The following MS4A15 variants were observed in gnomAD, a reference collection of about 807,000 sequenced individuals.
The protein encoded by MS4A15 is membrane spanning 4-domains A15, also known as membrane-spanning 4-domains subfamily A member 15.
In MS4A15, 22 loss-of-function variants were observed where a neutral mutation model predicts 20.6. The observed-to-expected ratio is 1.07, with a 90% CI of 0.76 to 1.52. The LOEUF is 1.52. Among genes scored for constraint, MS4A15 ranks in the 40% most tolerant of loss-of-function variants. The pLI is 0.00. For synonymous variants in MS4A15, 129 were observed against 129.3 expected (o/e 1.00, Z 0.02); for missense variants, 312 against 323.0 (o/e 0.97, Z 0.26).
In MS4A15 at chr11:60,767,535, G is replaced by C. The variant is rs977927253; in HGVS notation, c.228G>C (p.Thr76=). 8.5e-6 allele frequency: 13 copies of C among 1,522,654 alleles called. No individual in the cohort carries two copies. The African/African-American group carries it at 9.7e-5, about 11-fold the overall frequency. 94.3% of individuals were successfully genotyped at this position (1,522,654 alleles called of 1,614,324 possible). Residue 76 remains threonine (T), a splice_region_variant and synonymous_variant, in exon 3 of 7, where the codon ACG becomes ACC. Coordinates refer to ENST00000405633, the MANE Select transcript of MS4A15 (RefSeq NM_001098835.2). ...CTGAGCCTCGGGGCTTCCCGCAGACGGTGCAGATCCTCATCGGCCTCATCC... is the reference window on the plus strand; with the variant it reads ...CTGAGCCTCGGGGCTTCCCGCAGACCGTGCAGATCCTCATCGGCCTCATCC... The part of the protein sequence containing the change: ...FLTGEPKVLG[T]VQILIGLIHL...
At chr11:60,763,175 G>A (rs537850615) in intron 1 of MS4A15, among the ~76,000 whole-genome samples, 5 of 152,214 alleles carry the variant, frequency 3.3e-5, no homozygotes, top group East Asian at 1.9e-4. Context: ...ACATTTCTTG[G>A]CTACATCAAT....
At position 60,771,577 on chromosome 11, in the gene MS4A15, G is replaced by A. The variant is rs1487179435; in HGVS notation, c.405+230G>A. The A allele has an allele frequency of 3.9e-6, 6 of 1,523,116 alleles. 1 individual carries two copies. Among genetic ancestry groups the A allele is most frequent in the Non-Finnish European group, 5.3e-6 (6 of 1,138,932 alleles). The allele number at this position is 1,523,116 out of a possible 1,614,324, so 94.4% of individuals were successfully genotyped here. A position where few individuals can be genotyped will look rare whatever the true frequency, so the allele number is the denominator to read the frequency against. On this transcript the variant is annotated intron_variant, in intron 4 of 6. Coordinates refer to ENST00000405633, the MANE Select transcript of MS4A15 (RefSeq NM_001098835.2). ...TACACAAGCCAGGGTGGAAAGTGAG[G>A]TCCATGCTCATGGTCATTCCGAGAA...
At chr11:60,760,138 C>CT (rs1162395346) in intron 1 of MS4A15, among the ~76,000 whole-genome samples, 1 of 152,236 alleles carries the variant, frequency 6.6e-6, no homozygotes, top group African/African-American at 2.4e-5. Flanking sequence ...CACATATTCA[C>CT]TCTCATTCTG....
intron 1 of MS4A15, among the ~76,000 whole-genome samples, chr11:60,763,074 C>A (rs989692772): frequency 6.6e-6 from 1 of 152,182 alleles, no homozygotes. Context: ...CCGCCACCCC[C>A]GCTCGAGGCC....
At chr11:60,772,315 G>A (rs975973754) in intron 4 of MS4A15, among the ~76,000 whole-genome samples, 2 of 152,186 alleles carry the variant, frequency 1.3e-5, no homozygotes, top group East Asian at 1.9e-4. Context: ...AGACCACAGA[G>A]GCTTCAGCAG....
In MS4A15 at chr11:60,776,092, C is replaced by T. The variant is rs530322749; in HGVS notation, c.*377C>T. On this transcript the variant is annotated 3_prime_UTR_variant, in exon 7 of 7. Transcript: ENST00000405633. The stretch of plus-strand genomic sequence containing the variant: ...CGGGCCTCGGGAAGGTCAGAGAGCC[C>T]GGAATCCTCCAGAATGGAAGAGTCT... The T allele has an allele frequency of 4.8e-5, 8 of 166,888 alleles. No homozygotes were observed. Among genetic ancestry groups the T allele is most frequent in the South Asian group, 3.6e-4 (2 of 5,524 alleles). 10.3% of individuals were successfully genotyped at this position (166,888 alleles called of 1,614,324 possible). A position where few individuals can be genotyped will look rare whatever the true frequency, so the allele number is the denominator to read the frequency against.
chr11:60,773,464 G>A lies in MS4A15; in HGVS notation c.478G>A (p.Asp160Asn). 1 of 1,613,992 alleles carries A rather than the reference G, an allele frequency of 6.2e-7. No homozygotes were observed. The highest frequency in any genetic ancestry group is 8.5e-7 in the Non-Finnish European group (1 of 1,179,990). ...AFAGTAILLM[D>N]FGVTNRDVDR... ...TGCTGGGACAGCCATTCTGCTCATG[G>A]ATTTTGGTGTTACCAACCGGGTGCG... The change falls in exon 5 of 7, where the codon GAT becomes AAT. Residue 160 changes from aspartate (D) to asparagine (N), a missense_variant. Transcript: ENST00000405633.
chr11:60,760,790 G>A (rs1396578500), intron 1 of MS4A15, among the ~76,000 whole-genome samples: 2 of 152,162 alleles, frequency 1.3e-5, no homozygotes, highest in Admixed American at 1.3e-4. Flanking sequence ...CTCTTCTCGA[G>A]AACAGGACCT....
Position 60,757,057 on chromosome 11 carries a change from C to A in MS4A15, c.-30C>A, listed in dbSNP as rs1031998739. 1 of 152,166 alleles carries A rather than the reference C, an allele frequency of 6.6e-6. No individual in the cohort carries two copies. The highest frequency in any genetic ancestry group is 2.4e-5 in the African/African-American group (1 of 41,442). The allele number at this position is 152,166 out of a possible 1,614,324, so 9.4% of individuals were successfully genotyped here. A position where few individuals can be genotyped will look rare whatever the true frequency, so the allele number is the denominator to read the frequency against. The stretch of plus-strand genomic sequence containing the variant: ...AAACTCATCAATTTTCGGGGAATCC[C>A]GGTAAGGGACAGTCCTGACTCCCGT... On this transcript the variant is annotated splice_region_variant and 5_prime_UTR_variant, in exon 1 of 7. Coordinates refer to ENST00000405633, the MANE Select transcript of MS4A15 (RefSeq NM_001098835.2).
chr11:60,774,903 C>T (rs1168709474), intron 6 of MS4A15, among the ~76,000 whole-genome samples: 1 of 152,050 alleles, frequency 6.6e-6, no homozygotes, highest in African/African-American at 2.4e-5. Context: ...TTGTCCAGTG[C>T]CGGAAGGTGG....
intron 2 of MS4A15, among the ~76,000 whole-genome samples, chr11:60,765,237 T>C (rs1853855728): frequency 6.6e-6 from 1 of 152,176 alleles, no homozygotes; most frequent in Admixed American, 6.5e-5. Flanking sequence ...CTAGGTTAGG[T>C]TTCAGTGTGT....
chr11:60,773,573 C>T (rs1854100292), intron 5 of MS4A15, 89 bp downstream of exon 5: 2 of 1,244,688 alleles, frequency 1.6e-6, no homozygotes, highest in Admixed American at 1.8e-5. Context: ...GTTTGCAGCG[C>T]CAGGACGTTG....
At chr11:60,773,276 T>C in intron 4 of MS4A15, 116 bp from the exon 5 acceptor site, 1 of 731,722 alleles carries the variant, frequency 1.4e-6, no homozygotes. Flanking sequence ...GTGTGGCCAC[T>C]GCCTCCTTGG....
At chr11:60,770,053 G>A (rs61494174) in intron 3 of MS4A15, among the ~76,000 whole-genome samples, 24,803 of 152,196 alleles carry the variant, frequency 0.16, 2,290 homozygotes, top group Non-Finnish European at 0.21. Flanking sequence ...CTCTCAGCTC[G>A]GCAGACGCAG....
chr11:60,766,857 G>C (rs1853897108), intron 2 of MS4A15, among the ~76,000 whole-genome samples: 1 of 152,232 alleles, frequency 6.6e-6, no homozygotes, highest in African/African-American at 2.4e-5. Flanking sequence ...AGCCGGAAGT[G>C]GCTCCTGGGC....
At chr11:60,774,283 T>A (rs1854128066) in intron 6 of MS4A15, among the ~76,000 whole-genome samples, 1 of 152,190 alleles carries the variant, frequency 6.6e-6, no homozygotes, top group Non-Finnish European at 1.5e-5. Flanking sequence ...CCATGTGTGA[T>A]GGTACGTGCC....
intron 1 of MS4A15, among the ~76,000 whole-genome samples, chr11:60,759,520 G>A (rs796482686): frequency 2.0e-5 from 3 of 152,138 alleles, no homozygotes; most frequent in East Asian, 3.9e-4. Context: ...CCCCTAGCCC[G>A]ACACCCGTAA....
At chr11:60,773,974 C>T (rs535424358) in intron 6 of MS4A15, 24 bp downstream of exon 6, 1 of 1,580,686 alleles carries the variant, frequency 6.3e-7, no homozygotes, top group East Asian at 2.2e-5. Flanking sequence ...CCCCCACCCC[C>T]ACGTCCACTA....
At chr11:60,768,032 A>C (rs1853927081) in intron 3 of MS4A15, among the ~76,000 whole-genome samples, 1 of 151,308 alleles carries the variant, frequency 6.6e-6, no homozygotes, top group Non-Finnish European at 1.5e-5. Context: ...GTCTCTACTA[A>C]AAATACAAAA....
Sources: gnomAD v4.1 joint callset for allele counts (sites outside exome capture counted in the v4.1 genomes callset) on GRCh38, gnomAD v4.1.1 for gene constraint, MANE v1.5 for transcripts, NCBI Gene and HGNC (gene_info 2026-07-23, HGNC 2026-07-21) for gene names.